CCDC187: variants seen among roughly 807,000 people sequenced by gnomAD.
CCDC187 encodes coiled-coil domain-containing protein 187.
In CCDC187, 32 loss-of-function variants were observed where a neutral mutation model predicts 38.0. The observed-to-expected ratio is 0.84, with a 90% CI of 0.64 to 1.13. The LOEUF (loss-of-function observed/expected upper bound fraction) is 1.13, where lower values mean the gene tolerates loss of function less well. Among genes scored for constraint, CCDC187 ranks in the 50% most tolerant of loss-of-function variants. The pLI, the probability that CCDC187 is intolerant of heterozygous loss-of-function variation, is 0.00. For missense variants in CCDC187, 707 were observed against 786.8 expected (o/e 0.90, Z 1.21); for synonymous variants, 333 against 347.9 (o/e 0.96, Z 0.48).
At chr9:136,301,637 A>G (rs1169544939) in intron 2 of CCDC187, among the ~76,000 whole-genome samples, 2 of 132,996 alleles carry the variant, frequency 1.5e-5, no homozygotes, top group Admixed American at 8.7e-5. Flanking sequence ...CCCAGGCTGG[A>G]GTGCAGTGGC....
chr9:136,282,482 C>T (rs1014886512), intron 9 of CCDC187, among the ~76,000 whole-genome samples: 10 of 151,494 alleles, frequency 6.6e-5, no homozygotes, highest in Non-Finnish European at 1.3e-4. Flanking sequence ...AGCCTGCATC[C>T]GGGGCATGTG....
chr9:136,261,975 G>T (rs1830684297), intron 19 of CCDC187, among the ~76,000 whole-genome samples: 1 of 152,110 alleles, frequency 6.6e-6, no homozygotes. Context: ...AGGCTCTCGG[G>T]CAGCGGCCAG....
intron 14 of CCDC187, among the ~76,000 whole-genome samples, chr9:136,270,768 G>A (rs377625923): frequency 1.3e-5 from 2 of 152,120 alleles, no homozygotes; most frequent in Non-Finnish European, 2.9e-5. Flanking sequence ...TGGCATTACC[G>A]CTTGACCAAG....
In CCDC187 at chr9:136,299,253, C is replaced by T. The variant is rs967209419; in HGVS notation, c.724+967G>A. Among the ~76,000 whole-genome samples the T allele has an allele frequency of 6.1e-3, 930 of 152,228 alleles. 3 individuals are homozygous for T. Among genetic ancestry groups the T allele is most frequent in the Non-Finnish European group, 9.6e-3 (652 of 68,002 alleles). ...TGCTCTCCGAGGGGCCAGCCCTGGA[C>T]CCCGCCCACATCTGCACTGGCTCAC... is the stretch of plus-strand genomic sequence containing the variant. On this transcript the variant is annotated intron_variant, in intron 3 of 25. Transcript: ENST00000638797.
intron 10 of CCDC187, among the ~76,000 whole-genome samples, chr9:136,280,630 G>A (rs1008174165): frequency 1.3e-5 from 2 of 152,144 alleles, no homozygotes; most frequent in Non-Finnish European, 2.9e-5. Context: ...GGGAGGACCC[G>A]ATGAGCACTC....
chr9:136,292,110 C>A (rs1831346042), intron 5 of CCDC187, 51 bp downstream of exon 5: 7 of 398,516 alleles, frequency 1.8e-5, no homozygotes. Flanking sequence ...TGTGCCCGCC[C>A]CCAGATGCCA....
At position 136,254,004 on chromosome 9, in the gene CCDC187, G is replaced by T; in HGVS notation, c.5824C>A (p.Gln1942Lys). Reference sequence around the variant, plus strand: ...CTGCCTGGGTCCCCAGGAGGAGCCTGCAGGGTCACCGGGGTCTCGGGCTCT... The same window carrying T: ...CTGCCTGGGTCCCCAGGAGGAGCCTTCAGGGTCACCGGGGTCTCGGGCTCT... ...MPEPETPVTLQAPPGDPGRLA... is the reference protein window; with the variant it reads ...MPEPETPVTLKAPPGDPGRLA... The change falls in exon 26 of 26, where the codon CAG becomes AAG. Residue 1942 changes from glutamine to lysine, a missense_variant. Transcript: ENST00000638797. The T allele has an allele frequency of 1.0e-6, 1 of 981,066 alleles. No homozygotes were observed. The highest frequency in any genetic ancestry group is 1.8e-5 in the African/African-American group (1 of 57,054). The allele number at this position is 981,066 out of a possible 1,614,324, so 60.8% of individuals were successfully genotyped here.
chr9:136,279,687 T>A (rs1055168047), intron 10 of CCDC187, among the ~76,000 whole-genome samples: 1 of 152,220 alleles, frequency 6.6e-6, no homozygotes, highest in Admixed American at 6.5e-5. Flanking sequence ...CCGGGCACTC[T>A]GGGAAGCTTG....
At chr9:136,284,501 C>T (rs1393199804) in intron 9 of CCDC187, among the ~76,000 whole-genome samples, 1 of 152,134 alleles carries the variant, frequency 6.6e-6, no homozygotes, top group African/African-American at 2.4e-5. Context: ...TCAGGTCAGG[C>T]CGGGGTCCCT....
At position 136,290,516 on chromosome 9, in the gene CCDC187, C is replaced by A; in HGVS notation, c.2097G>T (p.Val699=). Residue 699 remains valine (V), a synonymous_variant, in exon 6 of 26, where the codon GTG becomes GTT. Coordinates refer to ENST00000638797, the MANE Select transcript of CCDC187 (RefSeq NM_001378188.1). ...PVVSRTTPGI[V]TFVPSSAQSG... is the part of the protein sequence containing the mutation. ...ACTGTGCAGAACTGGGGACAAAGGT[C>A]ACGATGCCAGGGGTGGTCCGGGAGA... The A allele has an allele frequency of 2.5e-6, 1 of 398,590 alleles. No homozygotes were observed. The highest frequency in any genetic ancestry group is 1.3e-4 in the South Asian group (1 of 7,844). The allele number at this position is 398,590 out of a possible 1,614,324, so 24.7% of individuals were successfully genotyped here.
chr9:136,300,637 G>A (rs1191636835), intron 2 of CCDC187, among the ~76,000 whole-genome samples: 4 of 149,622 alleles, frequency 2.7e-5, no homozygotes, highest in Admixed American at 1.3e-4. Context: ...TAGCTCTGTC[G>A]CCCAGGCTGG....
At chr9:136,301,073 A>G (rs1831669421) in intron 2 of CCDC187, among the ~76,000 whole-genome samples, 1 of 152,138 alleles carries the variant, frequency 6.6e-6, no homozygotes, top group Admixed American at 6.5e-5. Context: ...GCGCGCCTTC[A>G]TGCTGTGCCC....
chr9:136,284,714 G>T (rs1195783730), intron 9 of CCDC187, among the ~76,000 whole-genome samples: 1 of 148,792 alleles, frequency 6.7e-6, no homozygotes, highest in African/African-American at 2.5e-5. Flanking sequence ...AAGATTTTTG[G>T]TGGGGGGCAG....
intron 10 of CCDC187, among the ~76,000 whole-genome samples, chr9:136,277,579 T>C (rs2131226268): frequency 6.6e-6 from 1 of 152,208 alleles, no homozygotes; most frequent in East Asian, 1.9e-4. Context: ...CTCCTTGGAA[T>C]TTCTGGGATT....
chr9:136,255,226 GAA>G (rs1554760127), intron 25 of CCDC187, 92 bp from the exon 26 acceptor site: 2 of 584,894 alleles, frequency 3.4e-6, no homozygotes, highest in Non-Finnish European at 4.3e-6. Context: ...TCAGAACAGA[GAA>G]ACACCCTGAA....
Position 136,264,182 on chromosome 9 carries a change from GAAC to G in CCDC187, c.3736-387_3736-385del, listed in dbSNP as rs1830713668. On this transcript the variant is annotated intron_variant, in intron 17 of 25. Coordinates refer to ENST00000638797, the MANE Select transcript of CCDC187 (RefSeq NM_001378188.1). The surrounding 1 kb of genome is among the most constrained non-coding windows in gnomAD (Gnocchi z 4.3). Reference sequence around the variant, plus strand: ...AGCGTCCCTGGTGGACGCACCCTCGGAACAACCTTGCACAGAGCCCAGGGCCGG... The same window carrying G: ...AGCGTCCCTGGTGGACGCACCCTCGGAACCTTGCACAGAGCCCAGGGCCGG... The G allele has an allele frequency of 6.6e-6, 1 of 152,392 alleles. No homozygotes were observed. Among genetic ancestry groups the G allele is most frequent in the South Asian group, 2.1e-4 (1 of 4,836 alleles). The allele number at this position is 152,392 out of a possible 1,614,324, so 9.4% of individuals were successfully genotyped here.
In CCDC187 at chr9:136,291,574, A is replaced by G. The variant is rs36134869; in HGVS notation, c.1039T>C (p.Tyr347His). Reference sequence around the variant, plus strand: ...TTCCCAGACACCTGCTGGTCACTGTAGGCGGAGGTGGCATCGGGCAACTGG... The same window carrying G: ...TTCCCAGACACCTGCTGGTCACTGTGGGCGGAGGTGGCATCGGGCAACTGG... ...CAQLPDATSA[Y>H]SDQQVSGNTP... The change falls in exon 6 of 26, where the codon TAC (tyrosine) becomes CAC (histidine). Residue 347 changes from tyrosine (Y) to histidine (H), a missense_variant. Transcript: ENST00000638797. The G allele has an allele frequency of 0.76, 302,915 of 398,806 alleles. 115,212 individuals are homozygous for G. Among genetic ancestry groups the G allele is most frequent in the East Asian group, 0.83 (23,245 of 28,082 alleles). The allele number at this position is 398,806 out of a possible 1,614,324, so 24.7% of individuals were successfully genotyped here. A position where few individuals can be genotyped will look rare whatever the true frequency, so the allele number is the denominator to read the frequency against.
chr9:136,281,204 C>G, intron 10 of CCDC187: 1 of 389,398 alleles, frequency 2.6e-6, no homozygotes, highest in Non-Finnish European at 4.5e-6. Context: ...CGGATGAAAA[C>G]ACTCAGTAGC....
chr9:136,288,663 C>T (rs2131294618), intron 7 of CCDC187, among the ~76,000 whole-genome samples: 1 of 152,348 alleles, frequency 6.6e-6, no homozygotes, highest in East Asian at 1.9e-4. Context: ...CCAGGCGCAA[C>T]TCCCCCAAGC....
Sources: allele counts gnomAD v4.1 joint callset (sites outside exome capture counted in the v4.1 genomes callset), GRCh38; gene constraint gnomAD v4.1.1; non-coding constraint Gnocchi (gnomAD v3.1); transcripts MANE v1.5; gene names NCBI Gene and HGNC (gene_info 2026-07-23, HGNC 2026-07-21).